SLC37A3: variants seen among roughly 807,000 people sequenced by gnomAD.
SLC37A3 encodes the protein sugar phosphate exchanger 3.
In SLC37A3, 51 loss-of-function variants were observed where a neutral mutation model predicts 67.1. The observed-to-expected ratio is 0.76, with a 90% confidence interval of 0.61 to 0.96. The LOEUF (loss-of-function observed/expected upper bound fraction) is 0.96, where lower values mean the gene tolerates loss of function less well. SLC37A3 is among the 40% of genes least tolerant of loss of function. SLC37A3 has a pLI of 0.00. For missense variants in SLC37A3, 508 were observed against 603.0 expected (o/e 0.84, Z 1.65); for synonymous variants, 214 against 231.4 (o/e 0.92, Z 0.68).
At chr7:140,392,269 A>G (rs551990198) in intron 1 of SLC37A3, among the ~76,000 whole-genome samples, 1 of 152,322 alleles carries the variant, frequency 6.6e-6, no homozygotes, top group East Asian at 1.9e-4. Context: ...AACCCTTGGT[A>G]TTCCCTATCT....
At chr7:140,343,739 G>A (rs1284578149) in intron 12 of SLC37A3, 176 bp from the exon 13 acceptor site, 2 of 613,606 alleles carry the variant, frequency 3.3e-6, no homozygotes, top group Non-Finnish European at 5.5e-6. Context: ...CCACGTTCCT[G>A]AAATCCCTTC....
intron 7 of SLC37A3, among the ~76,000 whole-genome samples, chr7:140,353,716 T>C (rs1392394177): frequency 4.6e-5 from 7 of 151,674 alleles, no homozygotes; most frequent in Admixed American, 6.6e-5. Context: ...CACTGTTTTG[T>C]TTTGTTTTTT....
At position 140,386,449 on chromosome 7, in the gene SLC37A3, C is replaced by CAATAATAATAATAATAAT. The variant is rs59004511; in HGVS notation, c.-70-3871_-70-3854dup. Among the ~76,000 whole-genome samples, 705 of 146,486 alleles carry CAATAATAATAATAATAAT rather than the reference C, an allele frequency of 4.8e-3. 5 individuals are homozygous for CAATAATAATAATAATAAT. The highest frequency in any genetic ancestry group is 6.6e-3 in the East Asian group (33 of 4,974). Reference sequence around the variant, plus strand: ...TACGACATTTGGTCCTATGCAATTACAATAATAATAATAATAATAATAATA... The same window carrying CAATAATAATAATAATAAT: ...TACGACATTTGGTCCTATGCAATTACAATAATAATAATAATAATAATAATAATAATAATAATAATAATA... On this transcript the variant is annotated intron_variant, in intron 1 of 14. Coordinates refer to ENST00000326232, the MANE Select transcript of SLC37A3 (RefSeq NM_207113.3).
At chr7:140,337,400 A>G in intron 13 of SLC37A3, 51 bp from the exon 14 acceptor site, 1 of 1,431,252 alleles carries the variant, frequency 7.0e-7, no homozygotes, top group Non-Finnish European at 9.4e-7. Flanking sequence ...AATTCATAAA[A>G]GGAAGCAGCT....
chr7:140,361,697 C>T (rs1306497334), intron 5 of SLC37A3, among the ~76,000 whole-genome samples: 1 of 150,556 alleles, frequency 6.6e-6, no homozygotes, highest in East Asian at 2.0e-4. Context: ...TGCAGGCGCG[C>T]GCCGCCACGC....
At chr7:140,362,141 C>A (rs1473035150) in intron 5 of SLC37A3, among the ~76,000 whole-genome samples, 1 of 137,052 alleles carries the variant, frequency 7.3e-6, no homozygotes, top group Admixed American at 7.1e-5. Flanking sequence ...ATCTAGGAAG[C>A]GAGGAGCGCC....
intron 1 of SLC37A3, among the ~76,000 whole-genome samples, chr7:140,385,095 A>C (rs1000974884): frequency 6.6e-6 from 1 of 152,200 alleles, no homozygotes; most frequent in Non-Finnish European, 1.5e-5. Flanking sequence ...TATAAATCAT[A>C]AGTGGTCATC....
At chr7:140,396,885 T>G (rs1585395622) in intron 1 of SLC37A3, among the ~76,000 whole-genome samples, 1 of 72,774 alleles carries the variant, frequency 1.4e-5, no homozygotes, top group Non-Finnish European at 3.2e-5. Context: ...AATTTCTGTT[T>G]TTTTTTTTGT....
intron 5 of SLC37A3, among the ~76,000 whole-genome samples, chr7:140,362,538 G>C (rs1430525095): frequency 1.5e-5 from 2 of 136,580 alleles, no homozygotes; most frequent in Non-Finnish European, 3.2e-5. Flanking sequence ...CGCCCCGTCC[G>C]GGAGGGAGGT....
At chr7:140,341,182 CTTGGCCTCCCGAAGTGCTGGGATT>C (rs1318955851) in intron 13 of SLC37A3, among the ~76,000 whole-genome samples, 3 of 152,188 alleles carry the variant, frequency 2.0e-5, no homozygotes, top group Admixed American at 6.5e-5. Context: ...ATTCTCCTGC[CTTGGCCTCCCGAAGTGCTGGGATT>C]ACTGGCATGA....
chr7:140,378,652 G>A (rs570116395), intron 3 of SLC37A3, among the ~76,000 whole-genome samples: 3 of 151,420 alleles, frequency 2.0e-5, no homozygotes, highest in South Asian at 2.1e-4. Flanking sequence ...CAGGAGAATC[G>A]CTTGAACCCG....
chr7:140,363,268 A>G (rs1451599184), intron 5 of SLC37A3, among the ~76,000 whole-genome samples: 2 of 90,190 alleles, frequency 2.2e-5, no homozygotes, highest in African/African-American at 4.1e-5. Context: ...AAGGGTGGGG[A>G]AAAAATTGAG....
chr7:140,392,501 C>T (rs764457532), intron 1 of SLC37A3, among the ~76,000 whole-genome samples: 2 of 152,232 alleles, frequency 1.3e-5, no homozygotes, highest in Non-Finnish European at 2.9e-5. Flanking sequence ...TCACTGCCAC[C>T]GCCCTAAGAT....
intron 14 of SLC37A3, among the ~76,000 whole-genome samples, 167 bp downstream of exon 14, chr7:140,337,117 A>AAAAAAAAAG (rs1554416978): frequency 6.9e-6 from 1 of 145,288 alleles, no homozygotes; most frequent in African/African-American, 2.7e-5. Context: ...AAAAAAAAAA[A>AAAAAAAAAG]AAGAAGAAGA....
At chr7:140,340,990 G>A (rs1388313065) in intron 13 of SLC37A3, among the ~76,000 whole-genome samples, 1 of 151,416 alleles carries the variant, frequency 6.6e-6, no homozygotes, top group Non-Finnish European at 1.5e-5. Flanking sequence ...GGCTGGACTG[G>A]AGTGGTGTGA....
intron 7 of SLC37A3, among the ~76,000 whole-genome samples, chr7:140,353,117 C>T (rs954836271): frequency 2.0e-5 from 3 of 152,134 alleles, no homozygotes; most frequent in South Asian, 4.1e-4. Context: ...TTTAAAAGAG[C>T]GAACTTACCT....
At chr7:140,344,621 T>A (rs540653240) in intron 12 of SLC37A3, among the ~76,000 whole-genome samples, 1 of 152,154 alleles carries the variant, frequency 6.6e-6, no homozygotes, top group South Asian at 2.1e-4. Flanking sequence ...CTGGGCGTGG[T>A]GGTGCACGCC....
chr7:140,362,774 TGGG>T (rs1412873726), intron 5 of SLC37A3, among the ~76,000 whole-genome samples: 1 of 42,358 alleles, frequency 2.4e-5, no homozygotes, highest in Non-Finnish European at 4.6e-5. Context: ...GGGAGGGAGG[TGGG>T]GGGATCAGCC....
chr7:140,364,079 C>T (rs1322272872), intron 5 of SLC37A3, among the ~76,000 whole-genome samples: 3 of 152,132 alleles, frequency 2.0e-5, no homozygotes, highest in Admixed American at 1.3e-4. Flanking sequence ...GGTGAAACCC[C>T]GTCTCTACCA....
Sources: allele counts gnomAD v4.1 joint callset (sites outside exome capture counted in the v4.1 genomes callset), GRCh38; gene constraint gnomAD v4.1.1; transcripts MANE v1.5; gene names NCBI Gene and HGNC (gene_info 2026-07-23, HGNC 2026-07-21).